RP1: variants seen among roughly 807,000 people sequenced by gnomAD.
The protein encoded by RP1 is RP1 axonemal microtubule associated.
A neutral mutation model predicts 14.8 loss-of-function variants in RP1; 16 were observed. The observed-to-expected ratio is 1.08, with a 90% CI of 0.73 to 1.65. The LOEUF is 1.65. Ranked by LOEUF, RP1 falls within the 40% of genes most tolerant of loss-of-function variation. RP1 has a pLI of 0.00. For synonymous variants in RP1, 876 were observed against 883.6 expected (o/e 0.99, Z 0.15); for missense variants, 2,631 against 2,535.0 (o/e 1.04, Z -0.81).
chr8:54,829,174 A>T (rs1301745118), intron 24 of RP1, among the ~76,000 whole-genome samples: 3 of 151,802 alleles, frequency 2.0e-5, no homozygotes, highest in Admixed American at 6.6e-5. Flanking sequence ...TCCATCATTG[A>T]CCCAAATGTT....
chr8:54,863,375 T>C (rs1310526301), intron 27 of RP1, among the ~76,000 whole-genome samples: 1 of 152,212 alleles, frequency 6.6e-6, no homozygotes, highest in Non-Finnish European at 1.5e-5. Flanking sequence ...TAGGTTTGTG[T>C]AAGTGCTCAC....
intron 3 of RP1, among the ~76,000 whole-genome samples, chr8:54,646,246 T>G (rs1806547425): frequency 6.6e-6 from 1 of 151,962 alleles, no homozygotes; most frequent in African/African-American, 2.4e-5. Flanking sequence ...TCTTTTTCTT[T>G]TTTTTGGCTT....
At chr8:54,593,406 C>T (rs1047330061) in intron 1 of RP1, among the ~76,000 whole-genome samples, 3 of 152,132 alleles carry the variant, frequency 2.0e-5, no homozygotes, top group Non-Finnish European at 2.9e-5. Flanking sequence ...TAGTGTATCA[C>T]CTTGAATACC....
chr8:54,707,675 A>G (rs762014271), intron 15 of RP1, among the ~76,000 whole-genome samples: 41 of 152,342 alleles, frequency 2.7e-4, no homozygotes, highest in Non-Finnish European at 5.4e-4. Flanking sequence ...AAGAACTTGC[A>G]TGAGCTTCTT....
chr8:54,773,367 T>G (rs889771078), downstream of RP1, among the ~76,000 whole-genome samples: 16 of 152,270 alleles, frequency 1.1e-4, no homozygotes, highest in African/African-American at 3.6e-4. Context: ...CCAGGTGCGG[T>G]GGCTCATGCC....
At position 54,622,267 on chromosome 8, in the gene RP1, G is replaced by A. The variant is rs1805903559; in HGVS notation, c.766G>A (p.Ala256Thr). 3 of 1,613,980 alleles carry A rather than the reference G, an allele frequency of 1.9e-6. No homozygotes were observed. The highest frequency in any genetic ancestry group is 3.3e-5 in the Admixed American group (2 of 60,002). Residue 256 changes from alanine to threonine, a missense_variant, in exon 3 of 4, where the codon GCA becomes ACA. Ala to Thr is a moderately conservative substitution (Grantham distance 58). Transcript: ENST00000220676. ...TCAGCGTGTGTACCCCAAGGGAAAT[G>A]CAAAGTCAGAAAGCAGAAAGAGTAA... ...ISQRVYPKGN[A>T]KSESRKISTH...
At chr8:54,760,763 A>C (rs1809618652) in intron 22 of RP1, among the ~76,000 whole-genome samples, 1 of 152,150 alleles carries the variant, frequency 6.6e-6, no homozygotes, top group Admixed American at 6.5e-5. Context: ...GCTAGTCTTC[A>C]CTCAAGAGGA....
intron 1 of RP1, among the ~76,000 whole-genome samples, chr8:54,608,287 C>T (rs562039059): frequency 6.6e-5 from 10 of 150,620 alleles, no homozygotes; most frequent in African/African-American, 1.7e-4. Flanking sequence ...CTCCTGAGTT[C>T]AAGTGTGAAT....
At chr8:54,695,568 A>T (rs1198894160) in intron 12 of RP1, among the ~76,000 whole-genome samples, 1 of 152,158 alleles carries the variant, frequency 6.6e-6, no homozygotes, top group African/African-American at 2.4e-5. Context: ...GATTAAATTA[A>T]ACCAGAAAAT....
chr8:54,813,736 G>A (rs1330578458), intron 24 of RP1, among the ~76,000 whole-genome samples: 3 of 152,346 alleles, frequency 2.0e-5, no homozygotes, highest in East Asian at 3.9e-4. Flanking sequence ...TGTCTACACA[G>A]GGGGCGAGTA....
chr8:54,796,060 T>C (rs185756208), intron 24 of RP1, among the ~76,000 whole-genome samples: 1 of 152,292 alleles, frequency 6.6e-6, no homozygotes, highest in East Asian at 1.9e-4. Flanking sequence ...TCAGCTATTT[T>C]TCTCAATTGG....
intron 24 of RP1, among the ~76,000 whole-genome samples, chr8:54,824,968 T>A (rs1196119302): frequency 9.9e-5 from 15 of 151,744 alleles, no homozygotes; most frequent in African/African-American, 2.4e-4. Context: ...TTCTTTTTTT[T>A]TTTTAATTTA....
intron 1 of RP1, among the ~76,000 whole-genome samples, chr8:54,607,751 C>A (rs1350745855): frequency 6.6e-6 from 1 of 152,164 alleles, no homozygotes; most frequent in Admixed American, 6.5e-5. Flanking sequence ...CGGCACGGAC[C>A]CCTCCCCTAG....
At chr8:54,636,329 G>A (rs917549775) in intron 3 of RP1, among the ~76,000 whole-genome samples, 4 of 152,206 alleles carry the variant, frequency 2.6e-5, no homozygotes, top group African/African-American at 7.2e-5. Context: ...CATGGAAGGC[G>A]CACTGTCAAC....
At chr8:54,862,391 TG>T (rs1812361482) in intron 27 of RP1, among the ~76,000 whole-genome samples, 1 of 152,226 alleles carries the variant, frequency 6.6e-6, no homozygotes, top group Non-Finnish European at 1.5e-5. Context: ...GGCCCTAATT[TG>T]CATTACCCTG....
chr8:54,860,201 T>G (rs1213940329), intron 27 of RP1, among the ~76,000 whole-genome samples: 3 of 152,132 alleles, frequency 2.0e-5, no homozygotes, highest in African/African-American at 7.2e-5. Context: ...CATGTTTACA[T>G]GGCTAATTTA....
intron 24 of RP1, among the ~76,000 whole-genome samples, chr8:54,809,038 T>C (rs568503596): frequency 6.6e-6 from 1 of 152,372 alleles, no homozygotes; most frequent in Non-Finnish European, 1.5e-5. Flanking sequence ...TGAATAGTTG[T>C]AGTATTTATG....
chr8:54,788,967 T>G (rs140230811), intron 24 of RP1, among the ~76,000 whole-genome samples: 1 of 152,186 alleles, frequency 6.6e-6, no homozygotes, highest in African/African-American at 2.4e-5. Flanking sequence ...GCTTCACCTC[T>G]CCCTCAGGCT....
intron 17 of RP1, among the ~76,000 whole-genome samples, chr8:54,731,597 C>T (rs887675007): frequency 1.3e-5 from 2 of 152,080 alleles, no homozygotes; most frequent in African/African-American, 4.8e-5. Context: ...TAGATTATAT[C>T]ATATTTAGCC....
Sources: gnomAD v4.1 joint callset for allele counts (sites outside exome capture counted in the v4.1 genomes callset) on GRCh38, gnomAD v4.1.1 for gene constraint, MANE v1.5 for transcripts, NCBI Gene and HGNC (gene_info 2026-07-23, HGNC 2026-07-21) for gene names.